Variants in PHAX observed in about 807,000 individuals in gnomAD.
PHAX encodes phosphorylated adaptor for RNA export.
Under a neutral mutation model 41.6 loss-of-function variants are expected in PHAX, and 31 were observed. The observed-to-expected ratio is 0.75, with a 90% CI of 0.56 to 1.01. The LOEUF is 1.01. PHAX is among the 50% of genes least tolerant of loss of function. The pLI is 0.00. For synonymous variants in PHAX, 175 were observed against 164.9 expected (o/e 1.06, Z -0.47); for missense variants, 453 against 472.9 (o/e 0.96, Z 0.39).
chr5:126,624,127 G>A (rs1752311950), intron 4 of PHAX, among the ~76,000 whole-genome samples: 2 of 150,396 alleles, frequency 1.3e-5, no homozygotes, highest in African/African-American at 4.9e-5. Flanking sequence ...TCCTGCCTCA[G>A]CCTCCCTAGT....
At chr5:126,615,225 CTA>C (rs778093953) in intron 3 of PHAX, among the ~76,000 whole-genome samples, 6 of 151,928 alleles carry the variant, frequency 3.9e-5, no homozygotes, top group Non-Finnish European at 7.4e-5. Flanking sequence ...ATTTATATGA[CTA>C]TGTGTATATG....
intron 2 of PHAX, among the ~76,000 whole-genome samples, chr5:126,607,421 G>A (rs772185040): frequency 1.6e-5 from 2 of 125,132 alleles, no homozygotes; most frequent in South Asian, 2.4e-4. Context: ...TTTTTGAGAC[G>A]GAGTTTCACT....
chr5:126,616,686 G>C (rs555903341), intron 3 of PHAX, among the ~76,000 whole-genome samples: 1 of 151,822 alleles, frequency 6.6e-6, no homozygotes, highest in Non-Finnish European at 1.5e-5. Context: ...TTGAGACCAG[G>C]CTGGCCAACA....
intron 3 of PHAX, among the ~76,000 whole-genome samples, chr5:126,616,644 C>G (rs1752187967): frequency 6.6e-6 from 1 of 152,040 alleles, no homozygotes; most frequent in African/African-American, 2.4e-5. Flanking sequence ...CTTTGTGAGG[C>G]TGAGGCGGGC....
chr5:126,607,388 C>CTT (rs58375322), intron 2 of PHAX, among the ~76,000 whole-genome samples: 1,239 of 85,384 alleles, frequency 0.015, 107 homozygotes, highest in African/African-American at 0.017. Context: ...GGTCTGAATT[C>CTT]TTTTTTTTTT....
chr5:126,619,557 C>T (rs901128465), intron 4 of PHAX, among the ~76,000 whole-genome samples: 33 of 144,240 alleles, frequency 2.3e-4, no homozygotes, highest in African/African-American at 6.2e-4. Context: ...GCCTGGGTGA[C>T]AGAACAAGAC....
chr5:126,619,576 TAA>T (rs11301205), intron 4 of PHAX, among the ~76,000 whole-genome samples: 113 of 141,060 alleles, frequency 8.0e-4, no homozygotes, highest in African/African-American at 1.3e-3. Context: ...ACTCTGTCTT[TAA>T]AAAAAAAAAA....
intron 4 of PHAX, among the ~76,000 whole-genome samples, chr5:126,621,538 T>C (rs930794908): frequency 6.6e-6 from 1 of 152,178 alleles, no homozygotes; most frequent in Admixed American, 6.6e-5. Flanking sequence ...TAAATGATGA[T>C]GTTATAATTA....
chr5:126,623,142 G>A (rs906155360), intron 4 of PHAX, among the ~76,000 whole-genome samples: 17 of 151,420 alleles, frequency 1.1e-4, no homozygotes, highest in South Asian at 1.0e-3. Flanking sequence ...AAAAGAAGAA[G>A]AAAAAAAATA....
At chr5:126,612,732 G>A (rs943777494) in intron 3 of PHAX, among the ~76,000 whole-genome samples, 6 of 152,044 alleles carry the variant, frequency 3.9e-5, no homozygotes, top group African/African-American at 1.4e-4. Context: ...TTTCCTTTCC[G>A]CTGCTGTTTT....
chr5:126,625,297 AG>A lies in PHAX; in HGVS notation c.*455del, dbSNP rs1485901735. ...TGTTCTAAGAACTCAGGCAATTTTA[AG>A]GATAAAAACTAACATTGGCCAGGCA... On this transcript the variant is annotated 3_prime_UTR_variant, in exon 5 of 5. Coordinates refer to ENST00000297540, the MANE Select transcript of PHAX (RefSeq NM_032177.4). The A allele has an allele frequency of 1.3e-5, 2 of 155,436 alleles. No individual in the cohort carries two copies. Among genetic ancestry groups the A allele is most frequent in the African/African-American group, 4.8e-5 (2 of 41,476 alleles). The allele number at this position is 155,436 out of a possible 1,614,324, so 9.6% of individuals were successfully genotyped here.
chr5:126,619,194 T>C (rs989025116), intron 4 of PHAX, among the ~76,000 whole-genome samples: 1 of 152,208 alleles, frequency 6.6e-6, no homozygotes, highest in Non-Finnish European at 1.5e-5. Flanking sequence ...CCGAAAGTGC[T>C]GGAATTACAG....
chr5:126,622,280 C>T (rs989868727), intron 4 of PHAX, among the ~76,000 whole-genome samples: 11 of 151,864 alleles, frequency 7.2e-5, no homozygotes, highest in African/African-American at 2.2e-4. Context: ...ATTATAGGCT[C>T]GCACCACCAT....
intron 1 of PHAX, among the ~76,000 whole-genome samples, chr5:126,602,193 C>G (rs903945716): frequency 6.6e-5 from 10 of 152,014 alleles, no homozygotes; most frequent in Non-Finnish European, 1.2e-4. Flanking sequence ...GTGATCCACC[C>G]GCCTCGGCCT....
Position 126,601,053 on chromosome 5 carries a change from TTG to T in PHAX, c.92_93del (p.Leu31SerfsTer30). The T allele has an allele frequency of 6.2e-7, 1 of 1,605,114 alleles. No individual in the cohort carries two copies. The highest frequency in any genetic ancestry group is 1.1e-5 in the South Asian group (1 of 90,466). On this transcript the variant is annotated frameshift_variant, in exon 1 of 5. Transcript: ENST00000297540. LOFTEE classifies it high-confidence loss of function. Reference protein sequence around the residue: ...TVAPSDRPLQLPKVLGGDSAM... With the variant: ...TVAPSDRPLQXPKVLGGDSAM... ...CGCACCCAGCGACAGGCCGCTGCAATTGCCAGTGAGTGTGAAAGGAGGGTGGG... is the reference window on the plus strand; with the variant it reads ...CGCACCCAGCGACAGGCCGCTGCAATCCAGTGAGTGTGAAAGGAGGGTGGG...
chr5:126,614,536 A>T (rs1229617852), intron 3 of PHAX, among the ~76,000 whole-genome samples: 3 of 152,154 alleles, frequency 2.0e-5, no homozygotes, highest in African/African-American at 7.2e-5. Context: ...AGGGAAATTT[A>T]TGTGTACAGA....
chr5:126,604,062 C>G lies in PHAX; in HGVS notation c.589C>G (p.Leu197Val). ...SKEEENGQGH[L>V]KRKRPVKDRL... ...GGAAGAGGAAAATGGGCAAGGTCATCTCAAAAGGAAACGACCTGTCAAAGA... is the reference window on the plus strand; with the variant it reads ...GGAAGAGGAAAATGGGCAAGGTCATGTCAAAAGGAAACGACCTGTCAAAGA... Residue 197 changes from leucine to valine, a missense_variant, in exon 2 of 5, where the codon CTC becomes GTC. Coordinates refer to ENST00000297540, the MANE Select transcript of PHAX (RefSeq NM_032177.4). 1 of 1,613,798 alleles carries G rather than the reference C, an allele frequency of 6.2e-7. No individual in the cohort carries two copies. The highest frequency in any genetic ancestry group is 8.5e-7 in the Non-Finnish European group (1 of 1,179,982).
Position 126,625,686 on chromosome 5 carries a change from T to C in PHAX, c.*842T>C, listed in dbSNP as rs1752337848. On this transcript the variant is annotated 3_prime_UTR_variant, in exon 5 of 5. Coordinates refer to ENST00000297540, the MANE Select transcript of PHAX (RefSeq NM_032177.4). The stretch of plus-strand genomic sequence containing the variant: ...CAGAAGTAAATAAATGTCGGAAGTT[T>C]TCCAAGTAACTATTTGTTTTTTGGG... 6.6e-6 allele frequency: 1 copy of C among 152,134 alleles called. No homozygotes were observed. The highest frequency in any genetic ancestry group is 2.4e-5 in the African/African-American group (1 of 41,454). 9.4% of individuals were successfully genotyped at this position (152,134 alleles called of 1,614,324 possible). A position where few individuals can be genotyped will look rare whatever the true frequency, so the allele number is the denominator to read the frequency against.
Position 126,603,591 on chromosome 5 carries a change from G to A in PHAX, c.118G>A (p.Ala40Thr). ...GCAGAAAGTGCTAGGTGGCGACAGT[G>A]CTATGAGGGCCTTCCAGAACACGGC... is the stretch of plus-strand genomic sequence containing the variant. Reference protein sequence around the residue: ...QLPKVLGGDSAMRAFQNTATA... With the variant: ...QLPKVLGGDSTMRAFQNTATA... Residue 40 changes from alanine to threonine, a missense_variant, in exon 2 of 5, where the codon GCT (alanine) becomes ACT (threonine). Transcript: ENST00000297540. The A allele has an allele frequency of 6.2e-7, 1 of 1,612,920 alleles. No individual in the cohort carries two copies. Among genetic ancestry groups the A allele is most frequent in the Non-Finnish European group, 8.5e-7 (1 of 1,178,892 alleles).
Sources: allele counts gnomAD v4.1 joint callset (sites outside exome capture counted in the v4.1 genomes callset), GRCh38; gene constraint gnomAD v4.1.1; transcripts MANE v1.5; gene names NCBI Gene and HGNC (gene_info 2026-07-23, HGNC 2026-07-21).